TPD52L1: variants seen among roughly 807,000 people sequenced by gnomAD.
TPD52L1 encodes tumor protein D53.
Under a neutral mutation model 28.7 loss-of-function variants are expected in TPD52L1, and 18 were observed. The observed-to-expected ratio is 0.63, with a 90% confidence interval of 0.43 to 0.93. The LOEUF (loss-of-function observed/expected upper bound fraction) is 0.93. Ranked by LOEUF, TPD52L1 falls within the 40% of genes least tolerant of loss-of-function variation. The pLI is 0.00. For missense variants in TPD52L1, 203 were observed against 254.8 expected (o/e 0.80, Z 1.39); for synonymous variants, 75 against 88.8 (o/e 0.84, Z 0.88).
intron 1 of TPD52L1, among the ~76,000 whole-genome samples, chr6:125,207,774 C>T (rs1794241823): frequency 1.3e-5 from 2 of 152,180 alleles, no homozygotes; most frequent in South Asian, 4.1e-4. Flanking sequence ...ATTTGCTGTG[C>T]CATGAGTCTC....
At chr6:125,246,027 C>G (rs973274894) in intron 3 of TPD52L1, among the ~76,000 whole-genome samples, 1 of 152,224 alleles carries the variant, frequency 6.6e-6, no homozygotes, top group Non-Finnish European at 1.5e-5. Flanking sequence ...TGACCCCTCC[C>G]TAATTCCACT....
At position 125,264,254 on chromosome 6, in the gene TPD52L1, T is replaced by A. The variant is rs952003406; in HGVS notation, c.*1292T>A. ...ATATATTTGTAAAATGCACACTGAA[T>A]AGACATCCAACCTAAAAAAAATCAC... On this transcript the variant is annotated 3_prime_UTR_variant, in exon 7 of 7. Transcript: ENST00000534000. 1.3e-5 allele frequency: 2 copies of A among 152,160 alleles called. No homozygotes were observed. The highest frequency in any genetic ancestry group is 6.5e-5 in the Admixed American group (1 of 15,276). The allele number at this position is 152,160 out of a possible 1,614,324, so 9.4% of individuals were successfully genotyped here. A position where few individuals can be genotyped will look rare whatever the true frequency, so the allele number is the denominator to read the frequency against.
chr6:125,189,047 C>G (rs1045952323), intron 1 of TPD52L1, among the ~76,000 whole-genome samples: 6 of 152,172 alleles, frequency 3.9e-5, no homozygotes, highest in African/African-American at 1.4e-4. Flanking sequence ...AACGATTTTT[C>G]TCCTACAGTT....
In TPD52L1 at chr6:125,233,116, C is replaced by G. The variant is rs58881215; in HGVS notation, c.284+3850C>G. The stretch of plus-strand genomic sequence containing the variant: ...TTTGCTAACCCATGAAACATGAAAT[C>G]CCCCCACTAATAAACCCCTCTGAAT... On this transcript the variant is annotated intron_variant, in intron 3 of 6. Transcript: ENST00000534000. 7.6e-3 allele frequency among the ~76,000 whole-genome samples: 1,160 copies of G among 152,170 alleles called. 15 individuals are homozygous for G. The highest frequency in any genetic ancestry group is 0.027 in the African/African-American group (1,123 of 41,502).
chr6:125,165,100 T>TATATATATATATATATATA (rs1790803265), intron 1 of TPD52L1, among the ~76,000 whole-genome samples: 2 of 50,552 alleles, frequency 4.0e-5, no homozygotes, highest in African/African-American at 2.8e-4. Context: ...ATATATATAT[T>TATATATATATATATATATA]TTAACTGTAT....
intron 1 of TPD52L1, among the ~76,000 whole-genome samples, chr6:125,162,809 G>A (rs1249168183): frequency 6.6e-6 from 1 of 152,244 alleles, no homozygotes; most frequent in East Asian, 1.9e-4. Flanking sequence ...ATGGTAAGTA[G>A]TATATAAATG....
At chr6:125,220,295 T>C (rs1795152043) in intron 2 of TPD52L1, 102 bp downstream of exon 2, 2 of 732,772 alleles carry the variant, frequency 2.7e-6, no homozygotes, top group Non-Finnish European at 4.4e-6. Flanking sequence ...GTAATGATGT[T>C]GTCTTTCATT....
chr6:125,198,196 A>G (rs1028728609), intron 1 of TPD52L1, among the ~76,000 whole-genome samples: 5 of 152,196 alleles, frequency 3.3e-5, no homozygotes, highest in African/African-American at 1.2e-4. Flanking sequence ...TGATTACAGC[A>G]GGAACAACCC....
At chr6:125,229,671 G>C (rs1422790821) in intron 3 of TPD52L1, among the ~76,000 whole-genome samples, 1 of 152,150 alleles carries the variant, frequency 6.6e-6, no homozygotes, top group African/African-American at 2.4e-5. Context: ...AAAAGTGGTT[G>C]GCAGTTTCAA....
At chr6:125,256,976 G>C in intron 5 of TPD52L1, 122 bp from the exon 6 acceptor site, 1 of 753,750 alleles carries the variant, frequency 1.3e-6, no homozygotes, top group Non-Finnish European at 2.1e-6. Context: ...GGTGCAGGTG[G>C]CAAGCTGACA....
At chr6:125,193,208 A>G (rs536370690) in intron 1 of TPD52L1, among the ~76,000 whole-genome samples, 38 of 152,262 alleles carry the variant, frequency 2.5e-4, no homozygotes, top group African/African-American at 7.2e-4. Context: ...TTGATTTTCA[A>G]GTTGGGGGGA....
intron 1 of TPD52L1, among the ~76,000 whole-genome samples, chr6:125,159,009 C>T (rs971352386): frequency 2.6e-5 from 4 of 152,176 alleles, no homozygotes; most frequent in African/African-American, 4.8e-5. Context: ...AAGTGTTTTA[C>T]TGGTGGAGGG....
chr6:125,178,867 C>T (rs1791996247), intron 1 of TPD52L1, among the ~76,000 whole-genome samples: 1 of 152,118 alleles, frequency 6.6e-6, no homozygotes, highest in South Asian at 2.1e-4. Flanking sequence ...TGTACAAGGA[C>T]TGGAGATTTG....
At chr6:125,248,635 G>A (rs546647495) in intron 4 of TPD52L1, among the ~76,000 whole-genome samples, 1 of 152,282 alleles carries the variant, frequency 6.6e-6, no homozygotes, top group South Asian at 2.1e-4. Flanking sequence ...AAAAATAGAA[G>A]ATACAGGGTA....
intron 1 of TPD52L1, among the ~76,000 whole-genome samples, chr6:125,161,004 CA>C (rs1008924217): frequency 6.6e-6 from 1 of 152,110 alleles, no homozygotes; most frequent in Admixed American, 6.5e-5. Flanking sequence ...AGGTGCGTGC[CA>C]CCACGCCCTG....
chr6:125,180,585 C>T (rs1158287488), intron 1 of TPD52L1, among the ~76,000 whole-genome samples: 3 of 151,800 alleles, frequency 2.0e-5, no homozygotes, highest in Non-Finnish European at 2.9e-5. Context: ...CACACACACA[C>T]ACACACACAC....
At chr6:125,164,811 C>T (rs78407483) in intron 1 of TPD52L1, among the ~76,000 whole-genome samples, 3,926 of 152,060 alleles carry the variant, frequency 0.026, 155 homozygotes, top group African/African-American at 0.088. Context: ...TGAATTTTCA[C>T]GGTTTGAAGC....
At chr6:125,202,855 TC>T in intron 1 of TPD52L1, among the ~76,000 whole-genome samples, 1 of 141,728 alleles carries the variant, frequency 7.1e-6, no homozygotes, top group Non-Finnish European at 1.5e-5. Context: ...AAACTCTGCC[TC>T]CCCGGTTCAA....
At chr6:125,224,495 C>G (rs1031050143) in intron 2 of TPD52L1, among the ~76,000 whole-genome samples, 1 of 152,114 alleles carries the variant, frequency 6.6e-6, no homozygotes, top group Non-Finnish European at 1.5e-5. Flanking sequence ...CTCTCTCTCT[C>G]TCAGCTCCTT....
Sources: allele counts gnomAD v4.1 joint callset (sites outside exome capture counted in the v4.1 genomes callset), GRCh38; gene constraint gnomAD v4.1.1; transcripts MANE v1.5; gene names NCBI Gene and HGNC (gene_info 2026-07-23, HGNC 2026-07-21).